RALGAPA2: variants seen among roughly 807,000 people sequenced by gnomAD.
RALGAPA2 encodes Ral GTPase activating protein catalytic subunit alpha 2, also known as ral GTPase-activating protein subunit alpha-2.
Under a neutral mutation model 230.4 loss-of-function variants are expected in RALGAPA2, and 139 were observed. The ratio of observed to expected loss-of-function variants is 0.60; its 90% CI spans 0.53 to 0.69. The LOEUF (loss-of-function observed/expected upper bound fraction) is 0.69, where lower values mean the gene tolerates loss of function less well. RALGAPA2 is among the 30% of genes least tolerant of loss of function. RALGAPA2 has a pLI of 0.00. For missense variants in RALGAPA2, 2,163 were observed against 2,276.0 expected, an observed-to-expected ratio of 0.95 and a Z score of 1.01; for synonymous variants, 847 against 837.8, an observed-to-expected ratio of 1.01 and a Z score of -0.19.
At chr20:20,679,278 T>C (rs1384583297) in intron 2 of RALGAPA2, among the ~76,000 whole-genome samples, 2 of 152,098 alleles carry the variant, frequency 1.3e-5, no homozygotes, top group African/African-American at 4.8e-5. Flanking sequence ...GCAGACTCAG[T>C]GTCCTGAAAG....
intron 38 of RALGAPA2, among the ~76,000 whole-genome samples, chr20:20,402,066 A>C (rs1207075622): frequency 6.6e-6 from 1 of 152,128 alleles, no homozygotes; most frequent in Non-Finnish European, 1.5e-5. Flanking sequence ...GCAGGCACGG[A>C]GAGGCAGCGG....
chr20:20,405,449 A>G lies in RALGAPA2; in HGVS notation c.5617+6578T>C, dbSNP rs529094116. Among the ~76,000 whole-genome samples, 6 of 152,326 alleles carry G rather than the reference A, an allele frequency of 3.9e-5. No individual in the cohort carries two copies. In the East Asian group the frequency reaches 1.2e-3, roughly 29 times the overall value. On this transcript the variant is annotated intron_variant, in intron 38 of 39. Coordinates refer to ENST00000202677, the MANE Select transcript of RALGAPA2 (RefSeq NM_020343.4). ...ACAGTCCTGCTCAGTGGCAGCCTCC[A>G]GGGGCAACAAGGACCACGTCAGAGA... is the stretch of plus-strand genomic sequence containing the variant.
intron 9 of RALGAPA2, among the ~76,000 whole-genome samples, chr20:20,631,031 A>T (rs1400854578): frequency 2.0e-5 from 3 of 152,176 alleles, no homozygotes; most frequent in Non-Finnish European, 4.4e-5. Flanking sequence ...ATCTACATGG[A>T]CTGTATGACT....
intron 3 of RALGAPA2, among the ~76,000 whole-genome samples, chr20:20,654,653 C>T (rs930842224): frequency 1.3e-5 from 2 of 152,244 alleles, no homozygotes; most frequent in African/African-American, 4.8e-5. Context: ...CTGATGGACA[C>T]TTAGGTTGTT....
rs369081380 is a variant in RALGAPA2, at chr20:20,394,936, G to A, written c.*36-1683C>T. 1.2e-4 allele frequency among the ~76,000 whole-genome samples: 17 copies of A among 141,468 alleles called. No homozygotes were observed. In the South Asian group the frequency reaches 4.1e-3, roughly 34 times the overall value. The allele number at this position is 141,468 out of a possible 152,430, so 92.8% of individuals were successfully genotyped here. On this transcript the variant is annotated intron_variant, in intron 39 of 39. Transcript: ENST00000202677. ...GGCAAGTAAATGAAAGATATAAAGT[G>A]AGATCCAAAGAGAAAGAGCGAACCT... is the stretch of plus-strand genomic sequence containing the variant.
chr20:20,623,116 A>C (rs1262006040), intron 10 of RALGAPA2, among the ~76,000 whole-genome samples: 1 of 152,216 alleles, frequency 6.6e-6, no homozygotes, highest in Non-Finnish European at 1.5e-5. Flanking sequence ...CAGCAGACTA[A>C]AACCTAACAG....
intron 19 of RALGAPA2, among the ~76,000 whole-genome samples, chr20:20,584,178 G>A (rs1046026156): frequency 6.6e-6 from 1 of 152,160 alleles, no homozygotes; most frequent in African/African-American, 2.4e-5. Flanking sequence ...AGAGTACTAA[G>A]GCTGTATTTT....
At chr20:20,661,727 G>A (rs894185103) in intron 3 of RALGAPA2, among the ~76,000 whole-genome samples, 2 of 152,052 alleles carry the variant, frequency 1.3e-5, no homozygotes, top group African/African-American at 4.8e-5. Context: ...CCCTACCGAA[G>A]ACCAAGTCCA....
chr20:20,637,297 C>A, intron 8 of RALGAPA2, 66 bp downstream of exon 8: 1 of 1,256,934 alleles, frequency 8.0e-7, no homozygotes, highest in Non-Finnish European at 1.1e-6. Context: ...AATCAAAGGT[C>A]ACTTTGAAAG....
chr20:20,674,564 T>C (rs1409897132), intron 3 of RALGAPA2, among the ~76,000 whole-genome samples: 2 of 152,198 alleles, frequency 1.3e-5, no homozygotes, highest in Non-Finnish European at 1.5e-5. Context: ...GTCCACTCCT[T>C]ACTCATAGAC....
At position 20,571,881 on chromosome 20, in the gene RALGAPA2, T is replaced by A. The variant is rs1568594224; in HGVS notation, c.2967A>T (p.Pro989=). 1 of 1,611,754 alleles carries A rather than the reference T, an allele frequency of 6.2e-7. No homozygotes were observed. The highest frequency in any genetic ancestry group is 1.3e-5 in the African/African-American group (1 of 74,884). ...QSSPSPPVLI[P]PLRMFASWLF... is the part of the protein sequence containing the mutation. ...GCCATGATGCAAACATTCTGAGTGG[T>A]GGGATCAAAACTGGAGGAGATGGAG... is the stretch of plus-strand genomic sequence containing the variant. The change falls in exon 22 of 40, where the codon CCA becomes CCT. Residue 989 remains proline, a synonymous_variant. Transcript: ENST00000202677.
chr20:20,420,575 A>G (rs558251264), intron 37 of RALGAPA2, among the ~76,000 whole-genome samples: 5 of 152,148 alleles, frequency 3.3e-5, no homozygotes, highest in Non-Finnish European at 5.9e-5. Flanking sequence ...AGAGAGGGCC[A>G]TGCTGGGTGA....
intron 37 of RALGAPA2, among the ~76,000 whole-genome samples, chr20:20,463,175 T>C (rs532020355): frequency 2.6e-5 from 4 of 152,170 alleles, no homozygotes; most frequent in Admixed American, 1.3e-4. Flanking sequence ...CAACAGTTTA[T>C]AATGTAGGAT....
chr20:20,434,441 G>A (rs1198632038), intron 37 of RALGAPA2, among the ~76,000 whole-genome samples: 2 of 152,088 alleles, frequency 1.3e-5, no homozygotes, highest in Non-Finnish European at 2.9e-5. Flanking sequence ...AGCTGTGCAG[G>A]GGACTGTTTC....
chr20:20,492,679 G>T (rs2062093516), intron 36 of RALGAPA2, among the ~76,000 whole-genome samples: 1 of 152,140 alleles, frequency 6.6e-6, no homozygotes, highest in South Asian at 2.1e-4. Flanking sequence ...GAGTCTGCGT[G>T]GCACCCTTTG....
rs761562666 is a variant in RALGAPA2, at chr20:20,572,920, G to A, written c.2856C>T (p.Ala952=). The change falls in exon 21 of 40, where the codon GCC becomes GCT. Residue 952 remains alanine, a synonymous_variant. Transcript: ENST00000202677. ...VNNIQSPKIH[A]RVFCYLYELW... ...GTTCATAGAGATAGCAGAAAACTCT[G>A]GCATGGATCTTGGGTGACTGGATGT... is the stretch of plus-strand genomic sequence containing the variant. 1.1e-5 allele frequency: 17 copies of A among 1,567,080 alleles called. No homozygotes were observed. Among genetic ancestry groups the A allele is most frequent in the Admixed American group, 3.8e-5 (2 of 53,144 alleles).
intron 27 of RALGAPA2, among the ~76,000 whole-genome samples, chr20:20,528,483 A>C (rs935815102): frequency 2.0e-5 from 3 of 152,116 alleles, no homozygotes; most frequent in African/African-American, 4.8e-5. Context: ...GGCATTCAGG[A>C]AGTACAGCTG....
At chr20:20,696,988 G>A (rs1341521334) in intron 1 of RALGAPA2, among the ~76,000 whole-genome samples, 1 of 151,958 alleles carries the variant, frequency 6.6e-6, no homozygotes, top group Non-Finnish European at 1.5e-5. Context: ...CACCTGCCTG[G>A]GCCTCACAAA....
intron 19 of RALGAPA2, 37 bp downstream of exon 19, chr20:20,584,828 T>A (rs778385910): frequency 5.7e-6 from 8 of 1,398,618 alleles, no homozygotes; most frequent in Non-Finnish European, 8.1e-6. Context: ...ACATATCAAC[T>A]CTGTAGTTGG....
Sources: allele counts gnomAD v4.1 joint callset (sites outside exome capture counted in the v4.1 genomes callset), GRCh38; gene constraint gnomAD v4.1.1; transcripts MANE v1.5; gene names NCBI Gene and HGNC (gene_info 2026-07-23, HGNC 2026-07-21).